The following SVIL variants were observed in gnomAD, a reference collection of about 807,000 sequenced individuals.
SVIL encodes archvillin.
In SVIL, 101 loss-of-function variants were observed where a neutral mutation model predicts 240.4. The ratio of observed to expected loss-of-function variants is 0.42; its 90% confidence interval spans 0.36 to 0.50. The LOEUF (loss-of-function observed/expected upper bound fraction) is 0.50. SVIL is among the 20% of genes least tolerant of loss of function. The pLI, the probability that SVIL is intolerant of heterozygous loss-of-function variation, is 0.01. For missense variants in SVIL, 2,512 were observed against 2,818.7 expected, an observed-to-expected ratio of 0.89 and a Z score of 2.46; for synonymous variants, 999 against 1,100.0, an observed-to-expected ratio of 0.91 and a Z score of 1.82.
chr10:29,727,431 TA>T (rs200596875), intron 1 of SVIL, among the ~76,000 whole-genome samples: 69 of 145,720 alleles, frequency 4.7e-4, no homozygotes, highest in African/African-American at 1.0e-3. Flanking sequence ...ACCAGCTAAT[TA>T]AAAAAAAAAA....
chr10:29,622,069 T>C (rs898582706), intron 1 of SVIL, among the ~76,000 whole-genome samples: 2 of 150,596 alleles, frequency 1.3e-5, no homozygotes, highest in African/African-American at 4.9e-5. Flanking sequence ...GCTAACACGG[T>C]GAAACCCCGT....
At chr10:29,461,760 T>C (rs1038986249) in intron 36 of SVIL, among the ~76,000 whole-genome samples, 14 of 152,196 alleles carry the variant, frequency 9.2e-5, no homozygotes, top group Non-Finnish European at 1.8e-4. Flanking sequence ...AAATACCAGG[T>C]GGTCTCATAA....
intron 1 of SVIL, among the ~76,000 whole-genome samples, chr10:29,607,803 C>T (rs899262508): frequency 3.3e-5 from 5 of 152,218 alleles, no homozygotes; most frequent in African/African-American, 1.2e-4. Flanking sequence ...CAAGGCTTCC[C>T]ATCCTGACTC....
At chr10:29,614,498 C>T (rs1957363142) in intron 1 of SVIL, among the ~76,000 whole-genome samples, 1 of 152,154 alleles carries the variant, frequency 6.6e-6, no homozygotes, top group Non-Finnish European at 1.5e-5. Flanking sequence ...AGGATGAGTT[C>T]ATGTCCTTTG....
intron 16 of SVIL, 109 bp from the exon 17 acceptor site, chr10:29,512,970 C>T (rs1179787480): frequency 1.8e-5 from 25 of 1,426,222 alleles, no homozygotes; most frequent in Non-Finnish European, 2.2e-5. Context: ...TGACCACAGC[C>T]GCCTCGTTTT....
At chr10:29,596,968 T>C (rs1260382949) in intron 1 of SVIL, among the ~76,000 whole-genome samples, 1 of 152,204 alleles carries the variant, frequency 6.6e-6, no homozygotes, top group African/African-American at 2.4e-5. Flanking sequence ...TACAGGTAGT[T>C]AGACATGGGC....
At chr10:29,696,830 C>T (rs1051318533) in intron 1 of SVIL, among the ~76,000 whole-genome samples, 4 of 149,958 alleles carry the variant, frequency 2.7e-5, no homozygotes, top group African/African-American at 7.3e-5. Context: ...TGGGGCTCAG[C>T]CCCCCGCCCG....
chr10:29,710,797 A>G (rs1963221897), intron 1 of SVIL, among the ~76,000 whole-genome samples: 1 of 152,210 alleles, frequency 6.6e-6, no homozygotes, highest in South Asian at 2.1e-4. Flanking sequence ...AGTGAGCCTC[A>G]ATCAGAATAA....
chr10:29,498,289 C>T (rs1469323469), intron 18 of SVIL, among the ~76,000 whole-genome samples: 2 of 150,950 alleles, frequency 1.3e-5, no homozygotes, highest in Non-Finnish European at 3.0e-5. Flanking sequence ...ATGGTGGTGG[C>T]GGCCTGTAAT....
intron 1 of SVIL, among the ~76,000 whole-genome samples, chr10:29,587,010 T>C (rs1247785328): frequency 6.6e-6 from 1 of 152,224 alleles, no homozygotes; most frequent in East Asian, 1.9e-4. Context: ...TTTACCTATA[T>C]AACAAATCTG....
chr10:29,610,448 A>AT (rs113668853), intron 1 of SVIL, among the ~76,000 whole-genome samples: 39,944 of 136,610 alleles, frequency 0.29, 6,287 homozygotes, highest in South Asian at 0.51. Context: ...TTCACTCTGC[A>AT]TTTTTTTTTT....
At chr10:29,580,509 G>A (rs1404205495) in intron 1 of SVIL, among the ~76,000 whole-genome samples, 2 of 152,180 alleles carry the variant, frequency 1.3e-5, no homozygotes, top group African/African-American at 4.8e-5. Context: ...AAGGAACTCC[G>A]TATTGAAAAG....
At chr10:29,463,222 C>G (rs111372818) in intron 35 of SVIL, among the ~76,000 whole-genome samples, 2,133 of 152,304 alleles carry the variant, frequency 0.014, 46 homozygotes, top group African/African-American at 0.047. Flanking sequence ...CACAATACAG[C>G]CTTTATCCTT....
At chr10:29,487,400 G>C (rs1401354600) in intron 23 of SVIL, 101 bp from the exon 24 acceptor site, 6 of 1,281,408 alleles carry the variant, frequency 4.7e-6, no homozygotes, top group Non-Finnish European at 6.4e-6. Flanking sequence ...CACTTCTAAA[G>C]AGTCTTGTCT....
intron 1 of SVIL, among the ~76,000 whole-genome samples, chr10:29,718,447 G>A (rs10826680): frequency 0.19 from 29,298 of 151,976 alleles, 3,475 homozygotes; most frequent in African/African-American, 0.34. Flanking sequence ...CTGGCTACTC[G>A]AAGTAGTCTT....
intron 1 of SVIL, among the ~76,000 whole-genome samples, chr10:29,603,832 T>C (rs896696221): frequency 2.6e-5 from 4 of 152,246 alleles, no homozygotes; most frequent in Admixed American, 6.5e-5. Flanking sequence ...ATTCAATTCA[T>C]ATAAAATTAG....
chr10:29,546,679 T>C (rs1049090069), intron 6 of SVIL, among the ~76,000 whole-genome samples: 2 of 152,296 alleles, frequency 1.3e-5, no homozygotes, highest in South Asian at 2.1e-4. Flanking sequence ...AAACTGAGCA[T>C]TGGAGATGGT....
Position 29,643,503 on chromosome 10 carries a change from G to A in SVIL, c.-201+14466C>T, listed in dbSNP as rs1184453748. ...GCTGTAGTCTACTGATATGTACACCGATACACCTGTATGAATCGAGCTTGT... is the reference window on the plus strand; with the variant it reads ...GCTGTAGTCTACTGATATGTACACCAATACACCTGTATGAATCGAGCTTGT... On this transcript the variant is annotated intron_variant, in intron 3 of 35. Coordinates refer to the SVIL transcript ENST00000375400. Among the ~76,000 whole-genome samples, 3 of 152,164 alleles carry A rather than the reference G, an allele frequency of 2.0e-5. No individual in the cohort carries two copies. The East Asian group carries it at 5.8e-4, about 29-fold the overall frequency.
chr10:29,711,152 C>A (rs527948680), intron 1 of SVIL, among the ~76,000 whole-genome samples: 59 of 152,332 alleles, frequency 3.9e-4, no homozygotes, highest in Admixed American at 9.8e-4. Flanking sequence ...GTAATCCCAG[C>A]ACTTTGGGAG....
Sources: gnomAD v4.1 joint callset for allele counts (sites outside exome capture counted in the v4.1 genomes callset) on GRCh38, gnomAD v4.1.1 for gene constraint, MANE v1.5 for transcripts, NCBI Gene and HGNC (gene_info 2026-07-23, HGNC 2026-07-21) for gene names.